The following ANKRD36C variants were observed in gnomAD, a reference collection of about 807,000 sequenced individuals.
ANKRD36C encodes ankyrin repeat domain-containing protein 36C.
ANKRD36C carries 61 observed loss-of-function variants against 276.4 expected under a neutral mutation model. The observed-to-expected ratio is 0.22, with a 90% CI of 0.18 to 0.27. The LOEUF (loss-of-function observed/expected upper bound fraction) is 0.27. Ranked by LOEUF, ANKRD36C falls within the 10% of genes least tolerant of loss-of-function variation. The pLI is 1.00. For synonymous variants in ANKRD36C, 483 were observed against 680.1 expected, an observed-to-expected ratio of 0.71 and a Z score of 4.51; for missense variants, 1,447 against 2,032.3, an observed-to-expected ratio of 0.71 and a Z score of 5.54.
At chr2:95,921,870 T>A in intron 32 of ANKRD36C, 60 bp from the exon 33 acceptor site, 1 of 1,523,788 alleles carries the variant, frequency 6.6e-7, no homozygotes, top group Non-Finnish European at 8.9e-7. Context: ...CATACATTCA[T>A]GCGGTGTTAG....
intron 48 of ANKRD36C, 28 bp from the exon 69 acceptor site, chr2:95,888,148 C>T (rs1466549907): frequency 1.2e-6 from 2 of 1,607,510 alleles, no homozygotes; most frequent in East Asian, 4.5e-5. Context: ...TACATAATCA[C>T]TCATATGTAA....
At position 95,927,347 on chromosome 2, in the gene ANKRD36C, T is replaced by C. The variant is rs752012583; in HGVS notation, c.1866+34A>G. The C allele has an allele frequency of 3.7e-6, 6 of 1,607,220 alleles. No individual in the cohort carries two copies. In the East Asian group the frequency reaches 8.9e-5, roughly 24 times the overall value. ...AAGTAGGTTTCATAGACTATACAGT[T>C]AATAGTTCAACATATAAATGAGTCT... On this transcript the variant is annotated intron_variant, in intron 27 of 66. Coordinates refer to ENST00000456556, the Ensembl canonical transcript of ANKRD36C.
upstream of ANKRD36C, chr2:95,991,819 A>T: frequency 9.7e-7 from 1 of 1,026,226 alleles, no homozygotes. Context: ...ACCTTCGCAC[A>T]GACTCTCAGC....
chr2:95,912,482 A>C (rs1182190455), intron 40 of ANKRD36C, 47 bp from the exon 43 acceptor site: 1 of 1,603,602 alleles, frequency 6.2e-7, no homozygotes. Flanking sequence ...AAATATGATA[A>C]AGTTATCCAT....
intron 14 of ANKRD36C, among the ~76,000 whole-genome samples, chr2:95,953,450 C>T (rs1678250762): frequency 6.6e-6 from 1 of 152,028 alleles, no homozygotes; most frequent in Admixed American, 6.6e-5. Context: ...TGCAAAAATA[C>T]AGTATGATAT....
chr2:95,857,526 C>G (rs1380919743), intron 61 of ANKRD36C, 34 bp from the exon 82 acceptor site: 2 of 1,528,536 alleles, frequency 1.3e-6, no homozygotes, highest in Admixed American at 4.3e-5. Flanking sequence ...TTTATCTTAT[C>G]AGTGAGGACT....
At chr2:95,919,974 C>G in intron 34 of ANKRD36C, 54 bp from the exon 35 acceptor site, 1 of 1,502,900 alleles carries the variant, frequency 6.7e-7, no homozygotes, top group Non-Finnish European at 8.9e-7. Context: ...ATAAAGTTAT[C>G]CATACATTCA....
chr2:95,868,328 C>T (rs1675725923), intron 59 of ANKRD36C, among the ~76,000 whole-genome samples: 1 of 149,034 alleles, frequency 6.7e-6, no homozygotes, highest in Non-Finnish European at 1.5e-5. Flanking sequence ...TTCTTTGGAG[C>T]AGGTAAGCCA....
chr2:95,879,395 A>G (rs1372218126), intron 58 of ANKRD36C, among the ~76,000 whole-genome samples: 3 of 151,768 alleles, frequency 2.0e-5, no homozygotes, highest in Non-Finnish European at 2.9e-5. Flanking sequence ...TAGCACAAAA[A>G]CATGACTACA....
intron 36 of ANKRD36C, among the ~76,000 whole-genome samples, chr2:95,916,841 A>T (rs1677112397): frequency 6.6e-6 from 1 of 151,664 alleles, no homozygotes. Flanking sequence ...ACCAAAGGAT[A>T]ATATTTTAGA....
intron 6 of ANKRD36C, among the ~76,000 whole-genome samples, chr2:95,977,824 G>C (rs965438248): frequency 2.6e-5 from 4 of 151,970 alleles, no homozygotes; most frequent in Non-Finnish European, 5.9e-5. Flanking sequence ...ATTATCATGT[G>C]ACTATAAAAA....
exon 62 of ANKRD36C, chr2:95,857,322 T>C: frequency 3.1e-6 from 5 of 1,589,258 alleles, no homozygotes; most frequent in Non-Finnish European, 4.3e-6. Flanking sequence ...ATTTGAATTA[T>C]TTCCTCCTGT....
At chr2:95,970,720 A>G (rs1678680837) in intron 6 of ANKRD36C, among the ~76,000 whole-genome samples, 1 of 152,230 alleles carries the variant, frequency 6.6e-6, no homozygotes, top group Non-Finnish European at 1.5e-5. Flanking sequence ...AAGAAGGTGA[A>G]TAAGAAACAT....
intron 19 of ANKRD36C, among the ~76,000 whole-genome samples, chr2:95,941,565 T>G (rs1399803273): frequency 1.3e-5 from 2 of 151,858 alleles, no homozygotes; most frequent in Non-Finnish European, 2.9e-5. Context: ...GAGGGCAGCA[T>G]GTGCAAAAAA....
intron 36 of ANKRD36C, 96 bp downstream of exon 38, chr2:95,917,759 G>T: frequency 6.9e-7 from 1 of 1,438,976 alleles, no homozygotes; most frequent in Non-Finnish European, 9.4e-7. Flanking sequence ...CAGCTTTGGC[G>T]AGCACCCCCA....
At chr2:95,962,829 A>G (rs1404406272) in intron 6 of ANKRD36C, among the ~76,000 whole-genome samples, 16 of 152,014 alleles carry the variant, frequency 1.1e-4, no homozygotes, top group Non-Finnish European at 2.1e-4. Context: ...GGATATATGG[A>G]GGGATAAAAA....
intron 34 of ANKRD36C, among the ~76,000 whole-genome samples, chr2:95,919,329 G>A (rs1164034800): frequency 1.5e-5 from 2 of 133,084 alleles, no homozygotes; most frequent in African/African-American, 5.1e-5. Context: ...GTGTCTATAG[G>A]TTATTAATAT....
intron 3 of ANKRD36C, among the ~76,000 whole-genome samples, chr2:95,986,122 A>C (rs1679021639): frequency 6.6e-6 from 1 of 152,122 alleles, no homozygotes; most frequent in Non-Finnish European, 1.5e-5. Context: ...CCCAAAACTG[A>C]AGCGATCCTT....
chr2:95,860,026 C>G (rs1675532873), exon 61 of ANKRD36C: 2 of 1,546,848 alleles, frequency 1.3e-6, no homozygotes, highest in Non-Finnish European at 1.7e-6. Flanking sequence ...TTCTGTTAAT[C>G]TTTTACATAA....
Sources: allele counts gnomAD v4.1 joint callset (sites outside exome capture counted in the v4.1 genomes callset), GRCh38; gene constraint gnomAD v4.1.1; transcripts MANE v1.5; gene names NCBI Gene and HGNC (gene_info 2026-07-23, HGNC 2026-07-21).